SRRM2: variants seen among roughly 807,000 people sequenced by gnomAD.
SRRM2 encodes serine/arginine repetitive matrix 2, also known as serine/arginine repetitive matrix protein 2.
In SRRM2, 30 loss-of-function variants were observed where a neutral mutation model predicts 213.8. That is an observed-to-expected ratio of 0.14 (90% CI 0.10 to 0.19). The LOEUF is 0.19. Among genes scored for constraint, SRRM2 ranks in the 10% least tolerant of loss-of-function variants. The probability of loss-of-function intolerance (pLI) is 1.00; values close to 1 mark genes in which losing one functional copy is unlikely to be tolerated. For missense variants in SRRM2, 4,904 were observed against 3,647.0 expected (o/e 1.34, Z -8.88); for synonymous variants, 2,025 against 1,377.7 (o/e 1.47, Z -10.40).
rs2150778109 is a variant in SRRM2, at chr16:2,765,673, A to G, written c.5145A>G (p.Glu1715=). ...RRSRSASSSP[E]TRSRTPPRHR... ...GCCGCTCTGCCTCATCCTCACCAGA[A>G]ACTCGCTCTAGAACTCCCCCAAGGC... The change falls in exon 11 of 15, where the codon GAA becomes GAG. Residue 1715 remains glutamate (E), a synonymous_variant. Coordinates refer to ENST00000301740, the MANE Select transcript of SRRM2 (RefSeq NM_016333.4). The G allele has an allele frequency of 6.2e-7, 1 of 1,614,062 alleles. No homozygotes were observed. Among genetic ancestry groups the G allele is most frequent in the Non-Finnish European group, 8.5e-7 (1 of 1,180,002 alleles).
chr16:2,769,873 G>A (rs541392784), intron 12 of SRRM2: 10 of 465,570 alleles, frequency 2.1e-5, no homozygotes, highest in South Asian at 3.1e-5. Context: ...CACACCCAGC[G>A]CCTTGCAGTC....
At chr16:2,756,278 G>A in intron 1 of SRRM2, 56 bp from the exon 2 acceptor site, 1 of 1,426,702 alleles carries the variant, frequency 7.0e-7, no homozygotes, top group East Asian at 2.5e-5. Flanking sequence ...GTGTGGGGCG[G>A]TAAGTGGTTA....
In SRRM2 at chr16:2,759,665, A is replaced by G; in HGVS notation, c.833+4A>G. The G allele has an allele frequency of 6.2e-7, 1 of 1,613,124 alleles. No homozygotes were observed. Among genetic ancestry groups the G allele is most frequent in the East Asian group, 2.2e-5 (1 of 44,872 alleles). ...CCTCCGATACTTCCCGCAGTCGGTA[A>G]GGGGTAGTCCAGGAGGAAGGGAGGG... On this transcript the variant is annotated splice_donor_region_variant and intron_variant, in intron 9 of 14. Coordinates refer to ENST00000301740, the MANE Select transcript of SRRM2 (RefSeq NM_016333.4).
chr16:2,765,907 T>G lies in SRRM2; in HGVS notation c.5379T>G (p.Ser1793=). The G allele has an allele frequency of 1.2e-6, 2 of 1,614,096 alleles. No homozygotes were observed. Among genetic ancestry groups the G allele is most frequent in the Non-Finnish European group, 1.7e-6 (2 of 1,180,014 alleles). ...CCCGACGTCGAGATAGGTCTGGATC[T>G]TCTCAGTCAACCTCTCGGCGAAGAC... ...RTTRRRDRSG[S]SQSTSRRRQR... The change falls in exon 11 of 15, where the codon TCT becomes TCG. Residue 1793 remains serine, a synonymous_variant. Coordinates refer to ENST00000301740, the MANE Select transcript of SRRM2 (RefSeq NM_016333.4).
At position 2,762,939 on chromosome 16, in the gene SRRM2, C is replaced by G. The variant is rs753362975; in HGVS notation, c.2411C>G (p.Pro804Arg). ...CGCAGTCGCTCTGGATCCTCCCAACCTAAAGCTAAATCTAGAACGCCACCC... is the reference window on the plus strand; with the variant it reads ...CGCAGTCGCTCTGGATCCTCCCAACGTAAAGCTAAATCTAGAACGCCACCC... Reference protein sequence around the residue: ...PRRSRSGSSQPKAKSRTPPRR... With the variant: ...PRRSRSGSSQRKAKSRTPPRR... Residue 804 changes from proline to arginine, a missense_variant, in exon 11 of 15, where the codon CCT (proline) becomes CGT (arginine). Physicochemically the swap from Pro to Arg is moderately radical, Grantham distance 103. Coordinates refer to ENST00000301740, the MANE Select transcript of SRRM2 (RefSeq NM_016333.4). The G allele has an allele frequency of 6.2e-7, 1 of 1,610,650 alleles. No individual in the cohort carries two copies. The highest frequency in any genetic ancestry group is 8.5e-7 in the Non-Finnish European group (1 of 1,176,992).
rs1158628576 is a variant in SRRM2 at position 2,770,615 on chromosome 16, A to C, written c.8147A>C (p.Glu2716Ala). The change falls in exon 14 of 15, where the codon GAG (glutamate) becomes GCG (alanine). Residue 2716 changes from glutamate (E) to alanine (A), a missense_variant. By Grantham distance (107) the Glu-to-Ala change is moderately radical. Transcript: ENST00000301740. ...SPRDQQSSSS[E>A]RGSRRGQRGD... Reference sequence around the variant, plus strand: ...GTCCTGTGTTGCAGCAGCAGCAGTGAGCGGGGTTCCCGGAGAGGCCAGCGT... The same window carrying C: ...GTCCTGTGTTGCAGCAGCAGCAGTGCGCGGGGTTCCCGGAGAGGCCAGCGT... 1 of 1,552,884 alleles carries C rather than the reference A, an allele frequency of 6.4e-7. No individual in the cohort carries two copies. The highest frequency in any genetic ancestry group is 1.2e-5 in the South Asian group (1 of 84,310).
Sources: gnomAD v4.1 joint callset for allele counts on GRCh38, gnomAD v4.1.1 for gene constraint, MANE v1.5 for transcripts, NCBI Gene and HGNC (gene_info 2026-07-23, HGNC 2026-07-21) for gene names.